Variants in EYS observed in about 807,000 individuals in gnomAD.
EYS encodes EGF-like photoreceptor maintenance factor.
A neutral mutation model predicts 282.1 loss-of-function variants in EYS; 250 were observed. That is an observed-to-expected ratio of 0.89 (90% CI 0.80 to 0.98). EYS has a LOEUF of 0.98. Among genes scored for constraint, EYS ranks in the 50% least tolerant of loss-of-function variants. The probability of loss-of-function intolerance (pLI) is 0.00; values close to 1 mark genes in which losing one functional copy is unlikely to be tolerated. For synonymous variants in EYS, 1,355 were observed against 1,282.9 expected (o/e 1.06, Z -1.20); for missense variants, 4,016 against 3,709.0 (o/e 1.08, Z -2.15).
intron 12 of EYS, among the ~76,000 whole-genome samples, chr6:65,063,918 C>T (rs939016288): frequency 3.3e-5 from 5 of 151,664 alleles, no homozygotes; most frequent in African/African-American, 1.2e-4. Context: ...GCTCTGCAGA[C>T]TGGACATACT....
At chr6:64,373,140 C>G (rs986980758) in intron 29 of EYS, among the ~76,000 whole-genome samples, 1 of 152,168 alleles carries the variant, frequency 6.6e-6, no homozygotes, top group Non-Finnish European at 1.5e-5. Flanking sequence ...GACACTCTGG[C>G]TTTTTGAGTT....
intron 30 of EYS, among the ~76,000 whole-genome samples, chr6:64,264,798 A>G (rs1448646119): frequency 2.0e-5 from 3 of 152,094 alleles, no homozygotes; most frequent in South Asian, 2.1e-4. Context: ...CGTCTATTCA[A>G]GAGGCTGAGG....
chr6:64,991,769 T>C (rs986919315), intron 14 of EYS, among the ~76,000 whole-genome samples: 1 of 151,658 alleles, frequency 6.6e-6, no homozygotes, highest in Non-Finnish European at 1.5e-5. Flanking sequence ...TAGTACTTAA[T>C]GAAGGAAAGA....
intron 12 of EYS, among the ~76,000 whole-genome samples, chr6:65,060,629 T>C (rs751776748): frequency 1.2e-4 from 18 of 152,000 alleles, no homozygotes; most frequent in Non-Finnish European, 2.4e-4. Flanking sequence ...CCTGGTTTCC[T>C]TTTAAAACCT....
rs138742495 is a variant in EYS at position 65,340,591 on chromosome 6, A to T, written c.1599+3447T>A. 2.1e-4 allele frequency among the ~76,000 whole-genome samples: 32 copies of T among 151,206 alleles called. No individual in the cohort carries two copies. In the East Asian group the frequency reaches 6.1e-3, roughly 29 times the overall value. ...ATAAAGACTCACTTTAAAGATTCTC[A>T]GTATATTGTGCCACCAATACGAAGC... On this transcript the variant is annotated intron_variant, in intron 10 of 42. Transcript: ENST00000503581.
At chr6:65,169,497 T>C (rs1389267376) in intron 12 of EYS, among the ~76,000 whole-genome samples, 7 of 151,496 alleles carry the variant, frequency 4.6e-5, no homozygotes, top group African/African-American at 1.2e-4. Flanking sequence ...GAAAACACAG[T>C]ATAACCTCTA....
intron 33 of EYS, among the ~76,000 whole-genome samples, chr6:64,025,491 A>G (rs1769453077): frequency 6.6e-6 from 1 of 152,146 alleles, no homozygotes; most frequent in Non-Finnish European, 1.5e-5. Flanking sequence ...CTCTGAGGTT[A>G]GTCCTCCTTC....
rs967558855 is a variant in EYS, at chr6:64,462,942, A to T, written c.5645-23590T>A. On this transcript the variant is annotated intron_variant, in intron 26 of 42. Coordinates refer to ENST00000503581, the MANE Select transcript of EYS (RefSeq NM_001142800.2). The stretch of plus-strand genomic sequence containing the variant: ...CAAGTATAGCTTATTCTCAGCTTTA[A>T]TTTTTTTTTTTTTTTTTTTTTGAGA... Among the ~76,000 whole-genome samples the T allele has an allele frequency of 5.0e-4, 53 of 105,880 alleles. 1 individual carries two copies. Among genetic ancestry groups the T allele is most frequent in the Middle Eastern group, 5.2e-3 (1 of 194 alleles). The allele number at this position is 105,880 out of a possible 152,430, so 69.5% of individuals were successfully genotyped here.
chr6:64,009,943 C>A (rs1399119790), intron 33 of EYS, among the ~76,000 whole-genome samples: 1 of 151,448 alleles, frequency 6.6e-6, no homozygotes, highest in Non-Finnish European at 1.5e-5. Context: ...CTTTGATTTC[C>A]TTGGGGGTTT....
intron 22 of EYS, among the ~76,000 whole-genome samples, chr6:64,631,027 A>G (rs181266261): frequency 1.3e-3 from 204 of 152,318 alleles, no homozygotes; most frequent in African/African-American, 4.5e-3. Context: ...AAAAGGATTT[A>G]CTAAAAACTG....
intron 29 of EYS, among the ~76,000 whole-genome samples, chr6:64,331,200 G>C (rs1477145132): frequency 6.6e-6 from 1 of 152,048 alleles, no homozygotes; most frequent in Admixed American, 6.6e-5. Flanking sequence ...CTCAAGGTAT[G>C]TTTTTGCCAT....
At chr6:65,266,773 A>G (rs972334820) in intron 12 of EYS, among the ~76,000 whole-genome samples, 4 of 151,478 alleles carry the variant, frequency 2.6e-5, no homozygotes, top group African/African-American at 9.7e-5. Context: ...CATATAAAAA[A>G]TTTTCAGTGT....
chr6:64,080,627 TG>T (rs1771933407), intron 32 of EYS, among the ~76,000 whole-genome samples: 1 of 152,064 alleles, frequency 6.6e-6, no homozygotes, highest in Non-Finnish European at 1.5e-5. Flanking sequence ...ATGAAGTCCT[TG>T]CCCCTGCCTA....
intron 36 of EYS, among the ~76,000 whole-genome samples, chr6:63,814,600 C>T (rs1203263900): frequency 5.3e-5 from 8 of 152,052 alleles, no homozygotes; most frequent in African/African-American, 1.9e-4. Context: ...TTATAATTTC[C>T]ACCAGCAAAA....
chr6:65,588,420 C>T (rs6902867), intron 2 of EYS, among the ~76,000 whole-genome samples: 24,822 of 151,862 alleles, frequency 0.16, 2,157 homozygotes, highest in African/African-American at 0.2. Context: ...TCTGCTGAGC[C>T]TCTTAAGACT....
At chr6:65,003,714 G>A (rs1056437468) in intron 13 of EYS, among the ~76,000 whole-genome samples, 16 of 146,700 alleles carry the variant, frequency 1.1e-4, no homozygotes, top group Non-Finnish European at 2.1e-4. Context: ...CAAGCCGGCC[G>A]GCACTTAAGG....
chr6:65,562,600 G>T (rs931794584), intron 2 of EYS, among the ~76,000 whole-genome samples: 1 of 151,994 alleles, frequency 6.6e-6, no homozygotes, highest in African/African-American at 2.4e-5. Context: ...GAGATAGTTG[G>T]TCAGGGTGCT....
chr6:64,571,536 CTAAT>C (rs1187445671), intron 26 of EYS, among the ~76,000 whole-genome samples: 1 of 151,714 alleles, frequency 6.6e-6, no homozygotes, highest in African/African-American at 2.4e-5. Flanking sequence ...ACTAGCCAGA[CTAAT>C]AAAGAAGAAA....
intron 2 of EYS, among the ~76,000 whole-genome samples, chr6:65,523,817 G>A (rs1314530743): frequency 6.6e-6 from 1 of 152,164 alleles, no homozygotes; most frequent in Admixed American, 6.5e-5. Flanking sequence ...CTGAGTTAGT[G>A]TTTCTCAAGG....
Sources: gnomAD v4.1 joint callset for allele counts (sites outside exome capture counted in the v4.1 genomes callset) on GRCh38, gnomAD v4.1.1 for gene constraint, MANE v1.5 for transcripts, NCBI Gene and HGNC (gene_info 2026-07-23, HGNC 2026-07-21) for gene names.